Variants in MYH7B observed in about 807,000 individuals in gnomAD.
The protein encoded by MYH7B is myosin-7B.
In MYH7B, 205 loss-of-function variants were observed where a neutral mutation model predicts 234.5. The ratio of observed to expected loss-of-function variants is 0.87; its 90% CI spans 0.78 to 0.98. The LOEUF is 0.98. Ranked by LOEUF, MYH7B falls within the 50% of genes least tolerant of loss-of-function variation. MYH7B has a pLI of 0.00. For missense variants in MYH7B, 2,652 were observed against 2,633.4 expected, an observed-to-expected ratio of 1.01 and a Z score of -0.15; for synonymous variants, 1,193 against 1,105.0, an observed-to-expected ratio of 1.08 and a Z score of -1.58.
In MYH7B at chr20:34,957,484, CTTTTTTTTTTT is replaced by C. The variant is rs71196770; in HGVS notation, c.-336-603_-336-593del. On this transcript the variant is annotated intron_variant, in intron 1 of 44. Transcript: ENST00000262873. ...CCCAGGGACCAAGATCCTTTTGACT[CTTTTTTTTTTT>C]TTTTTTTTTTGAGACGGAGTTTTCG... is the stretch of plus-strand genomic sequence containing the variant. 6.8e-4 allele frequency among the ~76,000 whole-genome samples: 71 copies of C among 104,338 alleles called. 1 individual carries two copies. The highest frequency in any genetic ancestry group is 1.4e-3 in the African/African-American group (39 of 27,870). 68.4% of individuals were successfully genotyped at this position (104,338 alleles called of 152,430 possible).
chr20:34,993,512 C>T, intron 26 of MYH7B, 42 bp downstream of exon 26: 1 of 1,500,434 alleles, frequency 6.7e-7, no homozygotes, highest in Non-Finnish European at 8.8e-7. Context: ...GTGTCCCCTG[C>T]CTCTCAGCTC....
At chr20:34,990,130 T>C in exon 21 of MYH7B, 1 of 1,614,170 alleles carries the variant, frequency 6.2e-7, no homozygotes, top group Non-Finnish European at 8.5e-7. Flanking sequence ...ATGAGAATTA[T>C]GCGGGCTCCT....
At chr20:34,984,644 C>G (rs1345101718) in intron 10 of MYH7B, 48 bp from the exon 11 acceptor site, 3 of 1,234,330 alleles carry the variant, frequency 2.4e-6, no homozygotes, top group Non-Finnish European at 3.5e-6. Context: ...CCCCGCCCTT[C>G]CCCACCGGAG....
chr20:34,963,729 G>C (rs2081718832), intron 2 of MYH7B, among the ~76,000 whole-genome samples: 1 of 152,088 alleles, frequency 6.6e-6, no homozygotes. Context: ...TTAAGTCTTT[G>C]ATTCATTTTG....
chr20:34,987,334 C>CCTGT, intron 16 of MYH7B, 47 bp downstream of exon 16: 1 of 1,601,954 alleles, frequency 6.2e-7, no homozygotes, highest in African/African-American at 1.3e-5. Context: ...ACCTCAGCAT[C>CCTGT]CTGTCCATGA....
At position 34,988,745 on chromosome 20, in the gene MYH7B, C is replaced by G. The variant is rs371581455; in HGVS notation, c.1587+483C>G. ...ATTGGCAGGGGAAAAAATGTTTCTC[C>G]CCATTCCTATCACAGCCAGTCACAT... On this transcript the variant is annotated intron_variant, in intron 19 of 44. Transcript: ENST00000262873. 1.5e-4 allele frequency among the ~76,000 whole-genome samples: 23 copies of G among 151,888 alleles called. No individual in the cohort carries two copies. The East Asian group carries it at 4.1e-3, about 27-fold the overall frequency.
At chr20:34,980,551 T>G in intron 7 of MYH7B, 27 bp from the exon 8 acceptor site, 2 of 1,591,540 alleles carry the variant, frequency 1.3e-6, no homozygotes, top group Non-Finnish European at 1.7e-6. Flanking sequence ...AACAACAACA[T>G]AAACCCTACC....
intron 10 of MYH7B, among the ~76,000 whole-genome samples, chr20:34,984,053 ACCTGC>A (rs946167780): frequency 6.6e-6 from 1 of 152,090 alleles, no homozygotes; most frequent in African/African-American, 2.4e-5. Context: ...GATGCTGGGC[ACCTGC>A]CCTGCCGCTC....
chr20:34,979,379 C>A lies in MYH7B; in HGVS notation c.92-11C>A, dbSNP rs753990165. The A allele has an allele frequency of 6.2e-7, 1 of 1,607,376 alleles. No individual in the cohort carries two copies. Among genetic ancestry groups the A allele is most frequent in the Admixed American group, 1.7e-5 (1 of 59,270 alleles). ...CCCCTCTCTGAGTCCAGAGCTCTCTCTGCAACCCAGGGAAGAAGCGAGTCT... is the reference window on the plus strand; with the variant it reads ...CCCCTCTCTGAGTCCAGAGCTCTCTATGCAACCCAGGGAAGAAGCGAGTCT... On this transcript the variant is annotated splice_polypyrimidine_tract_variant and intron_variant, in intron 5 of 44. Coordinates refer to ENST00000262873, the Ensembl canonical transcript of MYH7B.
At chr20:34,964,770 A>G (rs2081728485) in intron 2 of MYH7B, among the ~76,000 whole-genome samples, 1 of 152,150 alleles carries the variant, frequency 6.6e-6, no homozygotes, top group Non-Finnish European at 1.5e-5. Context: ...AATTTTTGTA[A>G]AATTAAAAAA....
chr20:34,980,370 G>C, intron 7 of MYH7B: 2 of 511,552 alleles, frequency 3.9e-6, no homozygotes, highest in South Asian at 5.1e-5. Flanking sequence ...CCAACATGGT[G>C]AAACCCCGTC....
At chr20:34,989,176 G>A (rs1368712664) in intron 19 of MYH7B, among the ~76,000 whole-genome samples, 1 of 152,166 alleles carries the variant, frequency 6.6e-6, no homozygotes, top group Non-Finnish European at 1.5e-5. Context: ...AATGTATTTT[G>A]AATGCTGCTC....
chr20:34,990,646 G>A (rs550333826), intron 22 of MYH7B, 92 bp from the exon 23 acceptor site: 2 of 1,198,980 alleles, frequency 1.7e-6, no homozygotes, highest in South Asian at 2.5e-5. Context: ...GGCACTTAGG[G>A]CCCTGCTCCC....
chr20:35,001,627 C>A, intron 43 of MYH7B, 101 bp downstream of exon 43: 1 of 1,046,582 alleles, frequency 9.6e-7, no homozygotes, highest in South Asian at 1.5e-5. Context: ...CCTCCAAGGT[C>A]AGTGACCCAG....
intron 15 of MYH7B, 28 bp downstream of exon 15, chr20:34,987,017 T>C (rs2082039195): frequency 1.9e-6 from 3 of 1,609,636 alleles, no homozygotes; most frequent in African/African-American, 1.3e-5. Flanking sequence ...AGGGGAGCTG[T>C]GTGGACGCCT....
At position 34,994,413 on chromosome 20, in the gene MYH7B, T is replaced by C. The variant is rs768630569; in HGVS notation, c.2700+12T>C. Reference sequence around the variant, plus strand: ...TGCAGCTGCAGGCTGTGAGTCAGGGTTCCCCTTGTGACCGGGCGTCCCCAG... The same window carrying C: ...TGCAGCTGCAGGCTGTGAGTCAGGGCTCCCCTTGTGACCGGGCGTCCCCAG... On this transcript the variant is annotated intron_variant, in intron 27 of 44. Coordinates refer to ENST00000262873, the Ensembl canonical transcript of MYH7B. 6.4e-7 allele frequency: 1 copy of C among 1,560,080 alleles called. No homozygotes were observed. Among genetic ancestry groups the C allele is most frequent in the Admixed American group, 1.9e-5 (1 of 52,876 alleles).
chr20:34,991,152 C>T (rs2082140914), intron 24 of MYH7B, 31 bp downstream of exon 24: 2 of 1,497,324 alleles, frequency 1.3e-6, no homozygotes, highest in African/African-American at 2.8e-5. Flanking sequence ...GCCTGCTGCT[C>T]CAGGTGGAGG....
At position 34,987,680 on chromosome 20, in the gene MYH7B, G is replaced by C. The variant is rs942000955; in HGVS notation, c.1266+5G>C. 4.3e-6 allele frequency: 7 copies of C among 1,612,312 alleles called. No individual in the cohort carries two copies. Among genetic ancestry groups the C allele is most frequent in the Non-Finnish European group, 5.9e-6 (7 of 1,178,866 alleles). On this transcript the variant is annotated splice_donor_5th_base_variant and intron_variant, in intron 17 of 44. Transcript: ENST00000262873. Reference sequence around the variant, plus strand: ...AAGGGCCAGAGTGTGGAGCAGGTGAGCTGCCTGCAGGCCAAACCCATGGGG... The same window carrying C: ...AAGGGCCAGAGTGTGGAGCAGGTGACCTGCCTGCAGGCCAAACCCATGGGG...
chr20:34,999,686 G>A (rs758898759), exon 37 of MYH7B: 28 of 1,613,354 alleles, frequency 1.7e-5, no homozygotes, highest in East Asian at 1.1e-4. Context: ...CTGCACTGGA[G>A]GAGGCAGAGG....
Sources: gnomAD v4.1 joint callset for allele counts (sites outside exome capture counted in the v4.1 genomes callset) on GRCh38, gnomAD v4.1.1 for gene constraint, MANE v1.5 for transcripts, NCBI Gene and HGNC (gene_info 2026-07-23, HGNC 2026-07-21) for gene names.